The following HNRNPR variants were observed in gnomAD, a reference collection of about 807,000 sequenced individuals.
HNRNPR encodes heterogeneous nuclear ribonucleoprotein R.
A neutral mutation model predicts 70.3 loss-of-function variants in HNRNPR; 4 were observed. That is an observed-to-expected ratio of 0.06 (90% confidence interval 0.03 to 0.13). The LOEUF (loss-of-function observed/expected upper bound fraction) is 0.13, where lower values mean the gene tolerates loss of function less well. Ranked by LOEUF, HNRNPR falls within the 10% of genes least tolerant of loss-of-function variation. HNRNPR has a pLI of 1.00. For missense variants in HNRNPR, 423 were observed against 788.5 expected (o/e 0.54, Z 5.55); for synonymous variants, 241 against 267.6 (o/e 0.90, Z 0.97).
At position 23,310,823 on chromosome 1, in the gene HNRNPR, A is replaced by G; in HGVS notation, c.1533T>C (p.Ala511=). The stretch of plus-strand genomic sequence containing the variant: ...CTCCCCTCCCCCTTGGTGGTGGTGG[A>G]GCACCTCGCCCTCCCCTTCCTCCTC... ...GRGGGRGGRG[A]PPPPRGRGAP... Residue 511 remains alanine (A), a synonymous_variant, in exon 11 of 11, where the codon GCT becomes GCC. Transcript: ENST00000302271. The surrounding 1 kb of genome is among the most constrained non-coding windows in gnomAD (Gnocchi z 6.0). The G allele has an allele frequency of 6.2e-7, 1 of 1,613,804 alleles. No individual in the cohort carries two copies. The highest frequency in any genetic ancestry group is 8.5e-7 in the Non-Finnish European group (1 of 1,179,952).
intron 6 of HNRNPR, among the ~76,000 whole-genome samples, chr1:23,322,362 A>C (rs1645794275): frequency 6.6e-6 from 1 of 152,054 alleles, no homozygotes; most frequent in Non-Finnish European, 1.5e-5. Context: ...CAGCCTCCCA[A>C]GTAGCTGGGA....
rs1645203735 is a variant in HNRNPR at position 23,306,492 on chromosome 1, A to T, written c.*3962T>A. ...TGACATGTCAGGTCAGGGCAGCCTC[A>T]ACCTCGCTTCCCTGATAGTCAGGTG... On this transcript the variant is annotated 3_prime_UTR_variant, in exon 11 of 11. Transcript: ENST00000302271. 6.6e-6 allele frequency: 1 copy of T among 152,094 alleles called. No individual in the cohort carries two copies. Among genetic ancestry groups the T allele is most frequent in the Non-Finnish European group, 1.5e-5 (1 of 68,006 alleles). The allele number at this position is 152,094 out of a possible 1,614,324, so 9.4% of individuals were successfully genotyped here. A position where few individuals can be genotyped will look rare whatever the true frequency, so the allele number is the denominator to read the frequency against.
chr1:23,330,193 T>G (rs1432132336), intron 5 of HNRNPR, among the ~76,000 whole-genome samples: 1 of 152,160 alleles, frequency 6.6e-6, no homozygotes, highest in African/African-American at 2.4e-5. Flanking sequence ...GAATTTATTA[T>G]ACACAGTCAT....
At chr1:23,338,436 A>T in intron 3 of HNRNPR, 54 bp downstream of exon 3, 1 of 691,568 alleles carries the variant, frequency 1.4e-6, no homozygotes, top group Non-Finnish European at 2.3e-6. Flanking sequence ...AAGTAATAGT[A>T]AAATAATTTC....
At chr1:23,332,402 A>ACT (rs2148444645) in intron 5 of HNRNPR, among the ~76,000 whole-genome samples, 1 of 40,698 alleles carries the variant, frequency 2.5e-5, no homozygotes, top group East Asian at 5.7e-4. Flanking sequence ...AATTATTGAT[A>ACT]TTAAAAAAAA....
At chr1:23,319,603 T>C (rs1345529913) in intron 7 of HNRNPR, among the ~76,000 whole-genome samples, 1 of 152,158 alleles carries the variant, frequency 6.6e-6, no homozygotes, top group African/African-American at 2.4e-5. Flanking sequence ...CAAGCCCCTA[T>C]CCACAGAGCG....
rs1355256104 is a variant in HNRNPR at position 23,305,455 on chromosome 1, A to T, written c.*4999T>A. The T allele has an allele frequency of 6.6e-6, 1 of 152,210 alleles. No individual in the cohort carries two copies. Among genetic ancestry groups the T allele is most frequent in the Non-Finnish European group, 1.5e-5 (1 of 68,008 alleles). The allele number at this position is 152,210 out of a possible 1,614,324, so 9.4% of individuals were successfully genotyped here. A position where few individuals can be genotyped will look rare whatever the true frequency, so the allele number is the denominator to read the frequency against. On this transcript the variant is annotated 3_prime_UTR_variant, in exon 11 of 11. Transcript: ENST00000302271. ...ACACTGACTAGCACATTTAACATCT[A>T]GGAAAGTCTTTCTAGACTGATATTC...
Position 23,304,910 on chromosome 1 carries a change from T to A in HNRNPR, c.*5544A>T, listed in dbSNP as rs1645181159. ...TTCAGTCCAATTATAGAAATAGTCT[T>A]AGAACATAGTACCTAACATTATAAT... On this transcript the variant is annotated 3_prime_UTR_variant, in exon 11 of 11. Transcript: ENST00000302271. 6.6e-6 allele frequency: 1 copy of A among 152,146 alleles called. No homozygotes were observed. The highest frequency in any genetic ancestry group is 1.5e-5 in the Non-Finnish European group (1 of 68,018). 9.4% of individuals were successfully genotyped at this position (152,146 alleles called of 1,614,324 possible). A position where few individuals can be genotyped will look rare whatever the true frequency, so the allele number is the denominator to read the frequency against.
At chr1:23,337,634 G>C in intron 4 of HNRNPR, 120 bp downstream of exon 4, 1 of 628,760 alleles carries the variant, frequency 1.6e-6, no homozygotes, top group East Asian at 2.8e-5. Flanking sequence ...CAGCCTGGGC[G>C]ACAGAGCAAG....
At chr1:23,326,596 C>G (rs1380647785) in intron 5 of HNRNPR, among the ~76,000 whole-genome samples, 1 of 152,082 alleles carries the variant, frequency 6.6e-6, no homozygotes, top group Non-Finnish European at 1.5e-5. Flanking sequence ...ACCAGCCTGG[C>G]CAACATGGTG....
intron 7 of HNRNPR, 81 bp downstream of exon 7, chr1:23,321,447 C>A (rs772018202): frequency 1.7e-6 from 2 of 1,183,568 alleles, no homozygotes; most frequent in African/African-American, 1.5e-5. Context: ...TTAATACATA[C>A]AACCCCTCAG....
At chr1:23,315,029 C>G (rs1431804202) in intron 8 of HNRNPR, among the ~76,000 whole-genome samples, 1 of 152,084 alleles carries the variant, frequency 6.6e-6, no homozygotes, top group Non-Finnish European at 1.5e-5. Flanking sequence ...CCTGTAATCC[C>G]AGCACTTTGG....
rs572046155 is a variant in HNRNPR at position 23,325,022 on chromosome 1, C to T, written c.499-1290G>A. Among the ~76,000 whole-genome samples, 69 of 151,958 alleles carry T rather than the reference C, an allele frequency of 4.5e-4. No homozygotes were observed. In the East Asian group the frequency reaches 0.011, roughly 25 times the overall value. On this transcript the variant is annotated intron_variant, in intron 5 of 10. Transcript: ENST00000302271. ...GGGCGTGGTGGCCGGCGCCTGTAGC[C>T]CCAGCTACTCAGGAGGCTGAGGCAG... is the stretch of plus-strand genomic sequence containing the variant.
At chr1:23,316,002 G>A (rs1645529632) in intron 8 of HNRNPR, among the ~76,000 whole-genome samples, 1 of 152,040 alleles carries the variant, frequency 6.6e-6, no homozygotes, top group Non-Finnish European at 1.5e-5. Context: ...TGTTCAACAG[G>A]AAAAAGGGTC....
intron 1 of HNRNPR, 81 bp from the exon 2 acceptor site, chr1:23,341,098 TA>T (rs879689873): frequency 3.3e-5 from 32 of 983,386 alleles, no homozygotes; most frequent in Non-Finnish European, 4.7e-5. Context: ...TTATCTAAAC[TA>T]ATTTGTATAC....
At chr1:23,315,825 G>A (rs751722703) in intron 8 of HNRNPR, among the ~76,000 whole-genome samples, 3 of 151,960 alleles carry the variant, frequency 2.0e-5, no homozygotes, top group Non-Finnish European at 4.4e-5. Context: ...TTCCACAAAC[G>A]CTCCATCCCC....
chr1:23,312,260 T>C (rs1447234846), intron 9 of HNRNPR, among the ~76,000 whole-genome samples: 1 of 152,128 alleles, frequency 6.6e-6, no homozygotes, highest in Non-Finnish European at 1.5e-5. Context: ...ACTAAACAAG[T>C]TTACAAAAGC....
chr1:23,322,438 G>T (rs908737473), intron 6 of HNRNPR, among the ~76,000 whole-genome samples: 25 of 151,780 alleles, frequency 1.6e-4, no homozygotes, highest in Non-Finnish European at 2.9e-5. Context: ...GTTTCACCAC[G>T]TTGGCCAGGC....
intron 5 of HNRNPR, among the ~76,000 whole-genome samples, chr1:23,327,091 G>A (rs1210347368): frequency 6.6e-6 from 1 of 152,086 alleles, no homozygotes. Context: ...CCAGGTGACT[G>A]AGGAACTACT....
Sources: allele counts gnomAD v4.1 joint callset (sites outside exome capture counted in the v4.1 genomes callset), GRCh38; gene constraint gnomAD v4.1.1; non-coding constraint Gnocchi (gnomAD v3.1); transcripts MANE v1.5; gene names NCBI Gene and HGNC (gene_info 2026-07-23, HGNC 2026-07-21).